Variants in ADAMTS18 observed in about 807,000 individuals in gnomAD.
The protein encoded by ADAMTS18 is ADAM metallopeptidase with thrombospondin type 1 motif 18, also known as A disintegrin and metalloproteinase with thrombospondin motifs 18.
Under a neutral mutation model 165.9 loss-of-function variants are expected in ADAMTS18, and 157 were observed. That is an observed-to-expected ratio of 0.95 (90% CI 0.83 to 1.08). The LOEUF is 1.08. ADAMTS18 is among the 50% of genes least tolerant of loss of function. The probability of loss-of-function intolerance (pLI) is 0.00; values close to 1 mark genes in which losing one functional copy is unlikely to be tolerated. For synonymous variants in ADAMTS18, 782 were observed against 578.2 expected (o/e 1.35, Z -5.06); for missense variants, 2,040 against 1,534.0 (o/e 1.33, Z -5.51).
intron 3 of ADAMTS18, among the ~76,000 whole-genome samples, chr16:77,415,266 T>A (rs2057515455): frequency 6.6e-6 from 1 of 152,244 alleles, no homozygotes; most frequent in African/African-American, 2.4e-5. Flanking sequence ...AGGAGCTCTT[T>A]GCGGAAAGTG....
At chr16:77,342,353 C>T (rs948671288) in intron 10 of ADAMTS18, among the ~76,000 whole-genome samples, 1 of 152,194 alleles carries the variant, frequency 6.6e-6, no homozygotes, top group Admixed American at 6.5e-5. Context: ...TACTGCCTAT[C>T]ATTACTACCT....
chr16:77,433,729 G>A (rs910190838), intron 2 of ADAMTS18, among the ~76,000 whole-genome samples: 2 of 152,164 alleles, frequency 1.3e-5, no homozygotes, highest in South Asian at 2.1e-4. Flanking sequence ...GACACCTTGC[G>A]TCAGGAATCA....
chr16:77,359,311 C>T lies in ADAMTS18; in HGVS notation c.1322+7G>A, dbSNP rs1228722555. 1 of 1,612,488 alleles carries T rather than the reference C, an allele frequency of 6.2e-7. No individual in the cohort carries two copies. The highest frequency in any genetic ancestry group is 8.5e-7 in the Non-Finnish European group (1 of 1,179,068). ...CACATAAAGTAGTGGTTCAAAGAGGCACTTACTTGTGCCCTGACTCATGAG... is the reference window on the plus strand; with the variant it reads ...CACATAAAGTAGTGGTTCAAAGAGGTACTTACTTGTGCCCTGACTCATGAG... On this transcript the variant is annotated splice_region_variant and intron_variant, in intron 8 of 22. Coordinates refer to ENST00000282849, the MANE Select transcript of ADAMTS18 (RefSeq NM_199355.4).
At chr16:77,340,282 C>T (rs1303130714) in intron 11 of ADAMTS18, among the ~76,000 whole-genome samples, 1 of 152,210 alleles carries the variant, frequency 6.6e-6, no homozygotes, top group Non-Finnish European at 1.5e-5. Flanking sequence ...GCAAGTGATT[C>T]TCATACCTCA....
chr16:77,389,157 G>A lies in ADAMTS18; in HGVS notation c.496-21434C>T, dbSNP rs192239295. On this transcript the variant is annotated intron_variant, in intron 3 of 22. Transcript: ENST00000282849. ...TCTACCAAAAATACAAAAAATTAGC[G>A]AGGCATGGTTGCACATACCTGTGGT... 4.6e-5 allele frequency among the ~76,000 whole-genome samples: 7 copies of A among 152,186 alleles called. No homozygotes were observed. In the East Asian group the frequency reaches 5.8e-4, roughly 13 times the overall value.
intron 3 of ADAMTS18, among the ~76,000 whole-genome samples, chr16:77,427,590 C>T (rs1010530007): frequency 2.0e-5 from 3 of 151,664 alleles, no homozygotes; most frequent in African/African-American, 7.3e-5. Flanking sequence ...GATTATAAGG[C>T]CACCTGGTAT....
At chr16:77,333,088 C>G (rs148553373) in intron 12 of ADAMTS18, among the ~76,000 whole-genome samples, 30 of 152,238 alleles carry the variant, frequency 2.0e-4, no homozygotes, top group African/African-American at 6.0e-4. Flanking sequence ...GACTGTAGAA[C>G]CCTAGTTTAG....
chr16:77,400,545 A>G (rs1291668254), intron 3 of ADAMTS18, among the ~76,000 whole-genome samples: 2 of 148,700 alleles, frequency 1.3e-5, no homozygotes, highest in African/African-American at 5.0e-5. Context: ...GCAGTGGTGC[A>G]ATCTCAGCTC....
rs868523371 is a variant in ADAMTS18 at position 77,283,686 on chromosome 16, C to T, written c.*270G>A. 2.4e-6 allele frequency: 1 copy of T among 423,696 alleles called. No individual in the cohort carries two copies. Among genetic ancestry groups the T allele is most frequent in the Admixed American group, 3.8e-5 (1 of 26,564 alleles). The allele number at this position is 423,696 out of a possible 1,614,324, so 26.2% of individuals were successfully genotyped here. A position where few individuals can be genotyped will look rare whatever the true frequency, so the allele number is the denominator to read the frequency against. ...CGTATCTCAGTGTGATTCACCACTT[C>T]TTGCATATAACAGTGCAAATCAAAG... On this transcript the variant is annotated 3_prime_UTR_variant, in exon 23 of 23. Coordinates refer to ENST00000282849, the MANE Select transcript of ADAMTS18 (RefSeq NM_199355.4).
intron 10 of ADAMTS18, among the ~76,000 whole-genome samples, chr16:77,343,852 C>G (rs1011119562): frequency 3.3e-5 from 5 of 152,080 alleles, no homozygotes; most frequent in African/African-American, 1.2e-4. Context: ...TGGGCACATT[C>G]TATTTCCAAA....
In ADAMTS18 at chr16:77,293,116, T is replaced by G; in HGVS notation, c.3149A>C (p.Lys1050Thr). ...QEGCVLGRCP[K>T]NSRLQWVASS... ...AGCGACCCACTGTAGCCGGCTGTTC[T>G]TGGGGCATCGTCCAAGCACACAGCC... The change falls in exon 20 of 23, where the codon AAG (lysine) becomes ACG (threonine). Residue 1050 changes from lysine (K) to threonine (T), a missense_variant. Coordinates refer to ENST00000282849, the MANE Select transcript of ADAMTS18 (RefSeq NM_199355.4). The G allele has an allele frequency of 6.2e-7, 1 of 1,614,074 alleles. No individual in the cohort carries two copies. Among genetic ancestry groups the G allele is most frequent in the Non-Finnish European group, 8.5e-7 (1 of 1,180,010 alleles).
intron 3 of ADAMTS18, among the ~76,000 whole-genome samples, chr16:77,427,715 G>C (rs2057691124): frequency 6.6e-6 from 1 of 152,186 alleles, no homozygotes; most frequent in South Asian, 2.1e-4. Flanking sequence ...TGCAACCCCT[G>C]TTTCATGAAT....
chr16:77,353,847 T>C lies in ADAMTS18; in HGVS notation c.1500A>G (p.Gln500=), dbSNP rs1437918172. The C allele has an allele frequency of 2.5e-6, 4 of 1,614,076 alleles. No homozygotes were observed. In the African/African-American group the frequency reaches 5.3e-5, roughly 22 times the overall value. The part of the protein sequence containing the change: ...QAGCLVDEPK[Q]AGQYKYPDKL... Reference sequence around the variant, plus strand: ...TGTCCGGATATTTATACTGTCCTGCTTGCTTGGGCTCATCCACTAGACACC... The same window carrying C: ...TGTCCGGATATTTATACTGTCCTGCCTGCTTGGGCTCATCCACTAGACACC... Residue 500 remains glutamine, a synonymous_variant, in exon 10 of 23, where the codon CAA becomes CAG. Coordinates refer to ENST00000282849, the MANE Select transcript of ADAMTS18 (RefSeq NM_199355.4).
At chr16:77,299,543 C>G (rs936497476) in intron 17 of ADAMTS18, among the ~76,000 whole-genome samples, 3 of 152,162 alleles carry the variant, frequency 2.0e-5, no homozygotes, top group African/African-American at 7.2e-5. Flanking sequence ...TCACTGTCAC[C>G]AGGTGCTCTG....
At chr16:77,420,610 T>C (rs1282697034) in intron 3 of ADAMTS18, among the ~76,000 whole-genome samples, 1 of 152,214 alleles carries the variant, frequency 6.6e-6, no homozygotes, top group African/African-American at 2.4e-5. Flanking sequence ...AGAAACTTTT[T>C]ACAAGGACGG....
chr16:77,392,992 A>G (rs772509551), intron 3 of ADAMTS18, among the ~76,000 whole-genome samples: 2 of 152,060 alleles, frequency 1.3e-5, no homozygotes, highest in Non-Finnish European at 2.9e-5. Flanking sequence ...GCAGTAAAGA[A>G]AAAAAAAGGA....
In ADAMTS18 at chr16:77,353,723, G is replaced by T; in HGVS notation, c.1614+10C>A. The T allele has an allele frequency of 6.2e-7, 1 of 1,614,118 alleles. No homozygotes were observed. Among genetic ancestry groups the T allele is most frequent in the Non-Finnish European group, 8.5e-7 (1 of 1,180,010 alleles). On this transcript the variant is annotated intron_variant, in intron 10 of 22. Transcript: ENST00000282849. Reference sequence around the variant, plus strand: ...TCTTAATGTAAGTTTGAAATCACAAGCAAACATACCTTCACAAAACCAAGG... The same window carrying T: ...TCTTAATGTAAGTTTGAAATCACAATCAAACATACCTTCACAAAACCAAGG...
At chr16:77,377,151 G>A (rs1006469604) in intron 3 of ADAMTS18, among the ~76,000 whole-genome samples, 1 of 152,132 alleles carries the variant, frequency 6.6e-6, no homozygotes, top group Non-Finnish European at 1.5e-5. Context: ...ACTCATGCCA[G>A]GTATAAATCA....
Position 77,293,158 on chromosome 16 carries a change from C to T in ADAMTS18, c.3107G>A (p.Arg1036Lys). The change falls in exon 20 of 23, where the codon AGA becomes AAA. Residue 1036 changes from arginine (R) to lysine (K), a missense_variant. Physicochemically the swap from Arg to Lys is conservative, Grantham distance 26 (BLOSUM62 2). Transcript: ENST00000282849. Reference protein sequence around the residue: ...LPESQCTSLPRPELQEGCVLG... With the variant: ...LPESQCTSLPKPELQEGCVLG... Reference sequence around the variant, plus strand: ...CACACAGCCCTCCTGCAGCTCAGGTCTGGGGAGACTGGTACACTGGCTCTC... The same window carrying T: ...CACACAGCCCTCCTGCAGCTCAGGTTTGGGGAGACTGGTACACTGGCTCTC... 6.2e-7 allele frequency: 1 copy of T among 1,613,980 alleles called. No individual in the cohort carries two copies. The highest frequency in any genetic ancestry group is 8.5e-7 in the Non-Finnish European group (1 of 1,179,966).
Sources: allele counts gnomAD v4.1 joint callset (sites outside exome capture counted in the v4.1 genomes callset), GRCh38; gene constraint gnomAD v4.1.1; transcripts MANE v1.5; gene names NCBI Gene and HGNC (gene_info 2026-07-23, HGNC 2026-07-21).